Variants in HS6ST3 observed in about 807,000 individuals in gnomAD.
HS6ST3 encodes the protein heparan sulfate 6-O-sulfotransferase 3, also known as heparan-sulfate 6-O-sulfotransferase 3.
Under a neutral mutation model 36.7 loss-of-function variants are expected in HS6ST3, and 12 were observed. The observed-to-expected ratio is 0.33, with a 90% CI of 0.21 to 0.53. HS6ST3 has a LOEUF of 0.53. HS6ST3 is among the 20% of genes least tolerant of loss of function. The pLI, the probability that HS6ST3 is intolerant of heterozygous loss-of-function variation, is 0.95. For synonymous variants in HS6ST3, 240 were observed against 257.5 expected, an observed-to-expected ratio of 0.93 and a Z score of 0.65; for missense variants, 584 against 640.9, an observed-to-expected ratio of 0.91 and a Z score of 0.96.
chr13:96,566,199 A>C (rs2056280658), intron 1 of HS6ST3, among the ~76,000 whole-genome samples: 1 of 152,110 alleles, frequency 6.6e-6, no homozygotes, highest in Non-Finnish European at 1.5e-5. Flanking sequence ...CAAAATTAAT[A>C]ATATTAGAGA....
chr13:96,435,813 T>TA (rs772499139), intron 1 of HS6ST3, among the ~76,000 whole-genome samples: 2 of 150,058 alleles, frequency 1.3e-5, no homozygotes, highest in Non-Finnish European at 3.0e-5. Context: ...CTTTTTTTTT[T>TA]ATCAGACTTT....
intron 1 of HS6ST3, among the ~76,000 whole-genome samples, chr13:96,738,132 C>A (rs1012719184): frequency 1.3e-5 from 2 of 152,132 alleles, no homozygotes; most frequent in African/African-American, 4.8e-5. Context: ...ACTATATTAC[C>A]AAAGATTATT....
chr13:96,645,301 T>C (rs2056585004), intron 1 of HS6ST3, among the ~76,000 whole-genome samples: 1 of 151,840 alleles, frequency 6.6e-6, no homozygotes, highest in Admixed American at 6.6e-5. Context: ...AAACCTGATG[T>C]TAATCTGGTT....
At chr13:96,524,811 C>T (rs920382906) in intron 1 of HS6ST3, among the ~76,000 whole-genome samples, 3 of 152,212 alleles carry the variant, frequency 2.0e-5, no homozygotes, top group African/African-American at 7.2e-5. Context: ...CTTGTGCTTC[C>T]CAGATGAGGC....
intron 1 of HS6ST3, among the ~76,000 whole-genome samples, chr13:96,687,775 C>T (rs1174183650): frequency 1.3e-5 from 2 of 151,656 alleles, no homozygotes; most frequent in Non-Finnish European, 2.9e-5. Flanking sequence ...TTTAGGCATA[C>T]GGACAATAGA....
intron 1 of HS6ST3, among the ~76,000 whole-genome samples, chr13:96,657,990 A>G (rs116100439): frequency 1.8e-3 from 271 of 152,258 alleles, no homozygotes; most frequent in African/African-American, 6.4e-3. Flanking sequence ...ATCAAAATCT[A>G]GAACAATTCT....
chr13:96,701,932 A>C (rs900550765), intron 1 of HS6ST3, among the ~76,000 whole-genome samples: 4 of 152,190 alleles, frequency 2.6e-5, no homozygotes, highest in Non-Finnish European at 5.9e-5. Context: ...ACTGCACTGC[A>C]GCCTAGATGA....
At chr13:96,668,417 CT>C (rs759257691) in intron 1 of HS6ST3, among the ~76,000 whole-genome samples, 2 of 152,130 alleles carry the variant, frequency 1.3e-5, no homozygotes, top group Non-Finnish European at 2.9e-5. Flanking sequence ...AAAGTAATGC[CT>C]GTCTGATGCT....
chr13:96,380,488 A>G (rs916334820), intron 1 of HS6ST3, among the ~76,000 whole-genome samples: 1 of 151,890 alleles, frequency 6.6e-6, no homozygotes, highest in Non-Finnish European at 1.5e-5. Flanking sequence ...CTCATCTCGA[A>G]CTACTGACCT....
At position 96,588,226 on chromosome 13, in the gene HS6ST3, T is replaced by TC. The variant is rs1301817474; in HGVS notation, c.708-244263dup. Among the ~76,000 whole-genome samples the TC allele has an allele frequency of 3.3e-5, 5 of 152,088 alleles. No homozygotes were observed. In the East Asian group the frequency reaches 7.7e-4, roughly 24 times the overall value. On this transcript the variant is annotated intron_variant, in intron 1 of 1. Transcript: ENST00000376705. ...TTTCCACTTTAGACACCTTTTTTTT[T>TC]CTTGCTTAACTACTCTAGCTAGCTA... is the stretch of plus-strand genomic sequence containing the variant.
intron 1 of HS6ST3, among the ~76,000 whole-genome samples, chr13:96,321,071 T>C (rs1261024746): frequency 6.6e-6 from 1 of 152,158 alleles, no homozygotes; most frequent in Non-Finnish European, 1.5e-5. Context: ...CTGATTATGA[T>C]GAATAATCAG....
chr13:96,652,444 CTCCTTCT>C (rs1403188068), intron 1 of HS6ST3, among the ~76,000 whole-genome samples: 1 of 151,860 alleles, frequency 6.6e-6, no homozygotes, highest in Non-Finnish European at 1.5e-5. Flanking sequence ...CTTCCCTCCA[CTCCTTCT>C]TCCTTCTGTT....
At chr13:96,281,039 G>A (rs1238990590) in intron 1 of HS6ST3, among the ~76,000 whole-genome samples, 2 of 151,826 alleles carry the variant, frequency 1.3e-5, no homozygotes, top group African/African-American at 2.4e-5. Context: ...ATGGAGTCTC[G>A]CTCTATCACT....
At chr13:96,255,027 G>A (rs147583123) in intron 1 of HS6ST3, among the ~76,000 whole-genome samples, 2 of 152,150 alleles carry the variant, frequency 1.3e-5, no homozygotes, top group African/African-American at 4.8e-5. Context: ...GTGAAAGTTA[G>A]GTTAGAAAAG....
chr13:96,792,986 A>T (rs1437366028), intron 1 of HS6ST3, among the ~76,000 whole-genome samples: 1 of 152,116 alleles, frequency 6.6e-6, no homozygotes, highest in Non-Finnish European at 1.5e-5. Flanking sequence ...TGTTGAGATG[A>T]CTAACAGTTG....
At chr13:96,374,923 A>T (rs1435929194) in intron 1 of HS6ST3, among the ~76,000 whole-genome samples, 1 of 152,166 alleles carries the variant, frequency 6.6e-6, no homozygotes, top group Non-Finnish European at 1.5e-5. Context: ...GTATCAACTA[A>T]GTAACAAGAA....
chr13:96,152,316 C>CTTTTTT (rs766489670), intron 1 of HS6ST3, among the ~76,000 whole-genome samples: 1,099 of 96,010 alleles, frequency 0.011, 16 homozygotes, highest in African/African-American at 0.028. Flanking sequence ...GGCCCCTTTC[C>CTTTTTT]TTTTTTTTTT....
chr13:96,573,820 T>G (rs2056310061), intron 1 of HS6ST3: 1 of 399,030 alleles, frequency 2.5e-6, no homozygotes, highest in Non-Finnish European at 4.9e-6. Flanking sequence ...GTGTTGGACT[T>G]AACTCTGGGA....
chr13:96,790,283 A>ACT (rs1877754435), intron 1 of HS6ST3, among the ~76,000 whole-genome samples: 1 of 150,940 alleles, frequency 6.6e-6, no homozygotes, highest in African/African-American at 2.4e-5. Flanking sequence ...ACACACACAC[A>ACT]CACACACACA....
Sources: gnomAD v4.1 joint callset for allele counts (sites outside exome capture counted in the v4.1 genomes callset) on GRCh38, gnomAD v4.1.1 for gene constraint, MANE v1.5 for transcripts, NCBI Gene and HGNC (gene_info 2026-07-23, HGNC 2026-07-21) for gene names.